Variants in ZSWIM6 observed in about 807,000 individuals in gnomAD.
ZSWIM6 encodes the protein zinc finger SWIM-type containing 6.
Under a neutral mutation model 113.2 loss-of-function variants are expected in ZSWIM6, and 9 were observed. The ratio of observed to expected loss-of-function variants is 0.08; its 90% CI spans 0.05 to 0.14. ZSWIM6 has a LOEUF of 0.14. Ranked by LOEUF, ZSWIM6 falls within the 10% of genes least tolerant of loss-of-function variation. The pLI, the probability that ZSWIM6 is intolerant of heterozygous loss-of-function variation, is 1.00. For synonymous variants in ZSWIM6, 611 were observed against 606.5 expected, an observed-to-expected ratio of 1.01 and a Z score of -0.11; for missense variants, 1,162 against 1,552.2, an observed-to-expected ratio of 0.75 and a Z score of 4.22.
At chr5:61,526,511 C>G in intron 7 of ZSWIM6, 115 bp downstream of exon 7, 1 of 1,193,676 alleles carries the variant, frequency 8.4e-7, no homozygotes, top group Non-Finnish European at 1.1e-6. Flanking sequence ...GATGGCTTTA[C>G]TCGCCATTCA....
chr5:61,492,078 A>G (rs1348906277), intron 3 of ZSWIM6, among the ~76,000 whole-genome samples: 1 of 152,104 alleles, frequency 6.6e-6, no homozygotes, highest in African/African-American at 2.4e-5. Context: ...ATTAATTACC[A>G]TTAGGCTATA....
At chr5:61,353,794 C>T (rs1579948329) in intron 1 of ZSWIM6, among the ~76,000 whole-genome samples, 2 of 1,326 alleles carry the variant, frequency 1.5e-3, no homozygotes, top group African/African-American at 8.8e-3. Flanking sequence ...ACCATTTTCT[C>T]GATTTTTAGT....
At chr5:61,465,710 G>T (rs1380650529) in intron 1 of ZSWIM6, among the ~76,000 whole-genome samples, 2 of 152,132 alleles carry the variant, frequency 1.3e-5, no homozygotes, top group Non-Finnish European at 2.9e-5. Context: ...TATGTTGTTT[G>T]TATGGTATGC....
chr5:61,394,920 G>A (rs948520743), intron 1 of ZSWIM6, among the ~76,000 whole-genome samples: 6 of 152,142 alleles, frequency 3.9e-5, no homozygotes, highest in African/African-American at 1.2e-4. Flanking sequence ...CATAGTGGAC[G>A]TTGTGTGCCG....
At chr5:61,452,597 A>G (rs1289768610) in intron 1 of ZSWIM6, among the ~76,000 whole-genome samples, 1 of 152,186 alleles carries the variant, frequency 6.6e-6, no homozygotes, top group East Asian at 1.9e-4. Flanking sequence ...TGTATTTTGA[A>G]ATAATTTCAG....
intron 2 of ZSWIM6, among the ~76,000 whole-genome samples, chr5:61,483,097 G>A (rs1747921581): frequency 1.3e-5 from 2 of 152,184 alleles, no homozygotes; most frequent in Admixed American, 6.5e-5. Flanking sequence ...ATTTCTTATA[G>A]TTCTTGAGAC....
At chr5:61,495,986 G>A (rs1748303971) in intron 4 of ZSWIM6, among the ~76,000 whole-genome samples, 1 of 152,080 alleles carries the variant, frequency 6.6e-6, no homozygotes, top group Admixed American at 6.6e-5. Flanking sequence ...TTACCAAAAA[G>A]GGTACTGGTG....
At chr5:61,370,341 T>TA (rs938911948) in intron 1 of ZSWIM6, among the ~76,000 whole-genome samples, 3 of 152,248 alleles carry the variant, frequency 2.0e-5, no homozygotes, top group African/African-American at 4.8e-5. Context: ...AAAGTCATTC[T>TA]ATACCATTGT....
chr5:61,419,466 C>G (rs1468129842), intron 1 of ZSWIM6, among the ~76,000 whole-genome samples: 1 of 152,196 alleles, frequency 6.6e-6, no homozygotes. Flanking sequence ...ATATTAAGCT[C>G]TGCTTCCAGT....
intron 2 of ZSWIM6, among the ~76,000 whole-genome samples, chr5:61,480,151 T>C (rs563790910): frequency 6.6e-6 from 1 of 152,332 alleles, no homozygotes; most frequent in South Asian, 2.1e-4. Context: ...CTGCATTTTT[T>C]AATGAGCATT....
intron 4 of ZSWIM6, among the ~76,000 whole-genome samples, chr5:61,511,555 C>G (rs1327953545): frequency 2.6e-5 from 4 of 151,956 alleles, no homozygotes; most frequent in Non-Finnish European, 5.9e-5. Context: ...AAGGGTGAAG[C>G]CCTCGTGAAT....
intron 4 of ZSWIM6, among the ~76,000 whole-genome samples, chr5:61,520,802 T>C (rs59615666): frequency 0.033 from 4,973 of 152,248 alleles, 256 homozygotes; most frequent in African/African-American, 0.11. Flanking sequence ...ATTCAATTTT[T>C]GTGCAGAACC....
At chr5:61,469,444 T>A (rs1747514626) in intron 1 of ZSWIM6, among the ~76,000 whole-genome samples, 1 of 152,236 alleles carries the variant, frequency 6.6e-6, no homozygotes, top group Admixed American at 6.5e-5. Context: ...TGTTTATTTG[T>A]GCCTTCACAT....
At chr5:61,540,915 G>GTT (rs1749710941) in intron 12 of ZSWIM6, among the ~76,000 whole-genome samples, 1 of 113,214 alleles carries the variant, frequency 8.8e-6, no homozygotes, top group East Asian at 2.2e-4. Context: ...ATATTTTGTG[G>GTT]GTTTTTTTTT....
chr5:61,481,863 C>T (rs1747875659), intron 2 of ZSWIM6, among the ~76,000 whole-genome samples: 1 of 151,944 alleles, frequency 6.6e-6, no homozygotes, highest in Non-Finnish European at 1.5e-5. Context: ...TCCCTGAAGG[C>T]CTGAAGAATT....
At chr5:61,518,680 G>C (rs1580057741) in intron 4 of ZSWIM6, among the ~76,000 whole-genome samples, 1 of 152,108 alleles carries the variant, frequency 6.6e-6, no homozygotes, top group Non-Finnish European at 1.5e-5. Context: ...TGTAGATTCT[G>C]GATATTAGCC....
intron 4 of ZSWIM6, among the ~76,000 whole-genome samples, chr5:61,501,793 A>G (rs1186534696): frequency 1.3e-5 from 2 of 152,232 alleles, no homozygotes; most frequent in Non-Finnish European, 2.9e-5. Context: ...CTTTCTACTT[A>G]CAGCATTAGT....
At chr5:61,361,847 A>T (rs1032820554) in intron 1 of ZSWIM6, among the ~76,000 whole-genome samples, 4 of 152,230 alleles carry the variant, frequency 2.6e-5, no homozygotes, top group Non-Finnish European at 5.9e-5. Flanking sequence ...TTAGTGTGAA[A>T]TTTGCAAGAA....
chr5:61,525,700 T>C, intron 5 of ZSWIM6, 100 bp from the exon 6 acceptor site: 1 of 1,354,490 alleles, frequency 7.4e-7, no homozygotes, highest in East Asian at 2.5e-5. Flanking sequence ...GGACAATGTG[T>C]GTGGGTGTGT....
Sources: allele counts gnomAD v4.1 joint callset (sites outside exome capture counted in the v4.1 genomes callset), GRCh38; gene constraint gnomAD v4.1.1; transcripts MANE v1.5; gene names NCBI Gene and HGNC (gene_info 2026-07-23, HGNC 2026-07-21).